The following SHF variants were observed in gnomAD, a reference collection of about 807,000 sequenced individuals.
SHF encodes the protein SH2 domain-containing adapter protein F.
In SHF, 30 loss-of-function variants were observed where a neutral mutation model predicts 42.4. The observed-to-expected ratio is 0.71, with a 90% CI of 0.53 to 0.96. The LOEUF is 0.96. SHF is among the 40% of genes least tolerant of loss of function. SHF has a pLI of 0.00. For synonymous variants in SHF, 264 were observed against 269.9 expected (o/e 0.98, Z 0.21); for missense variants, 598 against 634.0 (o/e 0.94, Z 0.61).
chr15:45,183,283 T>C (rs899945271), intron 1 of SHF, among the ~76,000 whole-genome samples: 1 of 151,934 alleles, frequency 6.6e-6, no homozygotes, highest in Non-Finnish European at 1.5e-5. Flanking sequence ...CTGGGGATAG[T>C]AGTAGAATCT....
rs1050314925 is a variant in SHF at position 45,184,797 on chromosome 15, G to A, written c.498+2657C>T. On this transcript the variant is annotated intron_variant, in intron 1 of 6. Coordinates refer to ENST00000690270, the MANE Select transcript of SHF (RefSeq NM_001394037.1). ...CCAGACGAGGGCCCAGCACCGTGAA[G>A]CTCTTCCTCTGGCCAGATGGCAAGG... 3.9e-5 allele frequency among the ~76,000 whole-genome samples: 6 copies of A among 152,386 alleles called. No homozygotes were observed. In the South Asian group the frequency reaches 6.2e-4, roughly 16 times the overall value.
chr15:45,197,449 A>C (rs971572571), intron 2 of SHF, among the ~76,000 whole-genome samples: 9 of 152,156 alleles, frequency 5.9e-5, no homozygotes, highest in African/African-American at 2.2e-4. Context: ...GGAGCCTGAT[A>C]ATAAGAGAAG....
intron 2 of SHF, among the ~76,000 whole-genome samples, chr15:45,193,664 C>T (rs901872001): frequency 3.9e-5 from 6 of 152,072 alleles, no homozygotes; most frequent in Non-Finnish European, 7.4e-5. Flanking sequence ...GAAAGTATGT[C>T]GCTTTTTAAA....
At chr15:45,180,106 T>C (rs1898048088) in intron 1 of SHF, among the ~76,000 whole-genome samples, 1 of 152,144 alleles carries the variant, frequency 6.6e-6, no homozygotes, top group Non-Finnish European at 1.5e-5. Context: ...ATAACCACCA[T>C]CTCAGATCAT....
At chr15:45,170,202 C>G (rs555515150) in intron 6 of SHF, 8 of 395,642 alleles carry the variant, frequency 2.0e-5, no homozygotes, top group Non-Finnish European at 3.4e-5. Context: ...TGGAGTCAGA[C>G]AGAGCTGGGT....
intron 6 of SHF, among the ~76,000 whole-genome samples, chr15:45,169,280 CAG>C (rs1897355968): frequency 6.6e-6 from 1 of 152,156 alleles, no homozygotes; most frequent in African/African-American, 2.4e-5. Flanking sequence ...AGCGAGAAAT[CAG>C]AGTGGGGAGG....
intron 1 of SHF, among the ~76,000 whole-genome samples, chr15:45,185,293 T>G (rs949291679): frequency 6.6e-6 from 1 of 152,260 alleles, no homozygotes; most frequent in South Asian, 2.1e-4. Context: ...GGCCACATAG[T>G]ACATAAACAC....
chr15:45,188,201 G>A (rs1329837431), upstream of SHF, among the ~76,000 whole-genome samples: 1 of 152,192 alleles, frequency 6.6e-6, no homozygotes, highest in East Asian at 1.9e-4. Flanking sequence ...GCGACTACTG[G>A]ACTGAGGTTG....
chr15:45,187,504 C>A lies in SHF; in HGVS notation c.448G>T (p.Ala150Ser). 4 of 1,232,484 alleles carry A rather than the reference C, an allele frequency of 3.2e-6. No homozygotes were observed. Among genetic ancestry groups the A allele is most frequent in the Non-Finnish European group, 4.0e-6 (4 of 988,094 alleles). The allele number at this position is 1,232,484 out of a possible 1,614,324, so 76.3% of individuals were successfully genotyped here. ...GAGATCCGCTCATCAGCAGGCGGCG[C>A]CGGGGGCCCCGGGGTCTCGACCCGA... Reference protein sequence around the residue: ...LIRVETPGPPAPPADERISGP... With the variant: ...LIRVETPGPPSPPADERISGP... The change falls in exon 1 of 7, where the codon GCG becomes TCG. Residue 150 changes from alanine (A) to serine (S), a missense_variant. Coordinates refer to ENST00000690270, the MANE Select transcript of SHF (RefSeq NM_001394037.1).
chr15:45,167,863 C>T lies in SHF; in HGVS notation c.*84G>A, dbSNP rs1405150131. The T allele has an allele frequency of 1.1e-5, 14 of 1,280,758 alleles. No individual in the cohort carries two copies. Among genetic ancestry groups the T allele is most frequent in the Non-Finnish European group, 1.2e-5 (12 of 964,152 alleles). The allele number at this position is 1,280,758 out of a possible 1,614,324, so 79.3% of individuals were successfully genotyped here. ...AGGAGAAGAAAGGTTTGAAAGATCA[C>T]GTCCCTGGCAAGAGCCACAGCCCTC... On this transcript the variant is annotated 3_prime_UTR_variant, in exon 7 of 7. Transcript: ENST00000690270.
chr15:45,180,086 T>A (rs1228868877), intron 1 of SHF, among the ~76,000 whole-genome samples: 1 of 152,196 alleles, frequency 6.6e-6, no homozygotes, highest in Non-Finnish European at 1.5e-5. Flanking sequence ...CGTCTCTGCC[T>A]GCTTGTGGGA....
At chr15:45,191,172 C>A (rs549015665), upstream of SHF, among the ~76,000 whole-genome samples, 1 of 152,160 alleles carries the variant, frequency 6.6e-6, no homozygotes, top group African/African-American at 2.4e-5. Context: ...TCAAACGATT[C>A]TCCTACCTCA....
chr15:45,197,422 G>T (rs1356149153), intron 2 of SHF, among the ~76,000 whole-genome samples: 1 of 152,150 alleles, frequency 6.6e-6, no homozygotes, highest in East Asian at 1.9e-4. Context: ...AACTGTAGTG[G>T]TTTGTGACTT....
chr15:45,169,184 C>T (rs890271786), intron 6 of SHF, among the ~76,000 whole-genome samples: 2 of 152,214 alleles, frequency 1.3e-5, no homozygotes, highest in African/African-American at 2.4e-5. Context: ...GTCCACCCCC[C>T]GGAGAAGTGA....
chr15:45,197,497 A>C (rs907133824), intron 2 of SHF, among the ~76,000 whole-genome samples: 4 of 152,180 alleles, frequency 2.6e-5, no homozygotes, highest in African/African-American at 9.7e-5. Flanking sequence ...ATGGCCTGCC[A>C]AGTCAAGTCC....
In SHF at chr15:45,178,162, C is replaced by T; in HGVS notation, c.640+3G>A. ...GAGCACCTCCCCTGCCCCTGTCACT[C>T]ACCGGCCATCATCTTTTGAGCCTCA... is the stretch of plus-strand genomic sequence containing the variant. On this transcript the variant is annotated splice_donor_region_variant and intron_variant, in intron 2 of 6. Transcript: ENST00000690270. 2.5e-6 allele frequency: 4 copies of T among 1,611,832 alleles called. No individual in the cohort carries two copies. Among genetic ancestry groups the T allele is most frequent in the Non-Finnish European group, 2.5e-6 (3 of 1,179,604 alleles).
In SHF at chr15:45,173,774, T is replaced by C. The variant is rs1595615502; in HGVS notation, c.848-58A>G. 12 of 1,537,046 alleles carry C rather than the reference T, an allele frequency of 7.8e-6. No individual in the cohort carries two copies. The African/African-American group carries it at 8.3e-5, about 11-fold the overall frequency. ...AGACAGTGACAGAGACAGAAAGAGG[T>C]AGAGGTTGAGACACCAAAACCCAGA... On this transcript the variant is annotated intron_variant, in intron 3 of 6. Transcript: ENST00000690270.
chr15:45,200,419 G>A (rs950695694), intron 1 of SHF: 16 of 231,756 alleles, frequency 6.9e-5, no homozygotes, highest in African/African-American at 2.0e-4. Context: ...ACAATGCCGT[G>A]ACTCGGATTC....
chr15:45,174,211 T>C (rs2467820), intron 3 of SHF: 75,833 of 182,650 alleles, frequency 0.42, 18,993 homozygotes, highest in Non-Finnish European at 0.57. Context: ...TTACTCAGAC[T>C]TGAGGGCAGA....
Sources: allele counts gnomAD v4.1 joint callset (sites outside exome capture counted in the v4.1 genomes callset), GRCh38; gene constraint gnomAD v4.1.1; transcripts MANE v1.5; gene names NCBI Gene and HGNC (gene_info 2026-07-23, HGNC 2026-07-21).